The following NECAP1 variants were observed in gnomAD, a reference collection of about 807,000 sequenced individuals.
The protein encoded by NECAP1 is adaptin ear-binding coat-associated protein 1.
A neutral mutation model predicts 33.4 loss-of-function variants in NECAP1; 13 were observed. The observed-to-expected ratio is 0.39, with a 90% CI of 0.25 to 0.62. The LOEUF is 0.62. Ranked by LOEUF, NECAP1 falls within the 20% of genes least tolerant of loss-of-function variation. The pLI is 0.52. For synonymous variants in NECAP1, 109 were observed against 125.2 expected (o/e 0.87, Z 0.86); for missense variants, 272 against 347.4 (o/e 0.78, Z 1.73).
intron 4 of NECAP1, 69 bp downstream of exon 4, chr12:8,091,919 C>T: frequency 1.6e-6 from 2 of 1,283,750 alleles, no homozygotes; most frequent in Non-Finnish European, 2.2e-6. Flanking sequence ...CATGAATGGG[C>T]AGTATCTCTT....
chr12:8,089,856 T>C lies in NECAP1; in HGVS notation c.96-80T>C, dbSNP rs939117657. ...GAATAGGCAATCCAGGATAGGGAAA[T>C]AGAAATACAGTCAAAGATTGTGGGT... On this transcript the variant is annotated intron_variant, in intron 1 of 7. Transcript: ENST00000339754. The C allele has an allele frequency of 2.9e-6, 3 of 1,038,388 alleles. No homozygotes were observed. The African/African-American group carries it at 4.8e-5, about 17-fold the overall frequency. The allele number at this position is 1,038,388 out of a possible 1,614,324, so 64.3% of individuals were successfully genotyped here. A position where few individuals can be genotyped will look rare whatever the true frequency, so the allele number is the denominator to read the frequency against.
chr12:8,085,303 C>T (rs1006425000), intron 1 of NECAP1, among the ~76,000 whole-genome samples: 4 of 151,404 alleles, frequency 2.6e-5, no homozygotes, highest in Admixed American at 6.6e-5. Context: ...CAGGCGTGAG[C>T]CACCGCACCC....
intron 3 of NECAP1, 67 bp downstream of exon 3, chr12:8,090,366 T>C: frequency 7.6e-7 from 1 of 1,308,772 alleles, no homozygotes; most frequent in Non-Finnish European, 1.1e-6. Flanking sequence ...CCATGAAAAG[T>C]GTTTCCGATT....
chr12:8,083,729 G>GCCT (rs1947464448), intron 1 of NECAP1, among the ~76,000 whole-genome samples: 1 of 91,194 alleles, frequency 1.1e-5, no homozygotes, highest in Non-Finnish European at 2.1e-5. Flanking sequence ...CCCAGCCGTC[G>GCCT]TTTTTTTTTT....
At chr12:8,088,892 G>A (rs1947516330) in intron 1 of NECAP1, 1 of 152,124 alleles carries the variant, frequency 6.6e-6, no homozygotes, top group African/African-American at 2.4e-5. Context: ...CCAGACATCT[G>A]TATGGATAAC....
intron 1 of NECAP1, among the ~76,000 whole-genome samples, chr12:8,087,328 G>T (rs1947500646): frequency 6.6e-6 from 1 of 151,402 alleles, no homozygotes; most frequent in South Asian, 2.1e-4. Context: ...TAAAAGTATT[G>T]TCAGAGGACA....
chr12:8,093,032 C>G lies in NECAP1; in HGVS notation c.653C>G (p.Ser218Cys). The change falls in exon 6 of 8, where the codon TCT (serine) becomes TGT (cysteine). Residue 218 changes from serine to cysteine, a missense_variant. Ser to Cys is a moderately radical substitution (Grantham distance 112, BLOSUM62 -1). Transcript: ENST00000339754. ...GTCACCCCACCACCCATTCCGAAAT[C>G]TAACCATGGAGGCAGTGATGCAGGT... ...NHVTPPPIPK[S>C]NHGGSDADIL... The G allele has an allele frequency of 6.2e-7, 1 of 1,614,166 alleles. No individual in the cohort carries two copies. Among genetic ancestry groups the G allele is most frequent in the South Asian group, 1.1e-5 (1 of 91,090 alleles).
intron 3 of NECAP1, 196 bp downstream of exon 3, chr12:8,090,495 G>A: frequency 3.6e-6 from 2 of 557,146 alleles, no homozygotes; most frequent in South Asian, 2.3e-5. Flanking sequence ...TTCAAGATGT[G>A]GTAATTCATA....
intron 6 of NECAP1, 37 bp downstream of exon 6, chr12:8,093,092 T>G: frequency 6.3e-7 from 1 of 1,591,074 alleles, no homozygotes; most frequent in East Asian, 2.2e-5. Flanking sequence ...AAATCCAATC[T>G]TATGTTTTAA....
chr12:8,095,731 T>C (rs1191133562), intron 7 of NECAP1, 28 bp downstream of exon 7: 1 of 1,560,450 alleles, frequency 6.4e-7, no homozygotes, highest in Non-Finnish European at 8.8e-7. Context: ...ACTAGCATAC[T>C]CTCAATCAGG....
intron 1 of NECAP1, chr12:8,089,190 G>A (rs751744564): frequency 1.3e-5 from 2 of 152,112 alleles, no homozygotes; most frequent in East Asian, 3.8e-4. Context: ...TGATGCATCT[G>A]TCCTAATAAG....
chr12:8,083,717 C>T (rs1217391112), intron 1 of NECAP1, among the ~76,000 whole-genome samples: 2 of 147,580 alleles, frequency 1.4e-5, no homozygotes, highest in Non-Finnish European at 3.0e-5. Context: ...CGTGACACCA[C>T]GCCCAGCCGT....
intron 1 of NECAP1, among the ~76,000 whole-genome samples, chr12:8,083,738 T>G (rs1947464806): frequency 1.3e-5 from 2 of 148,594 alleles, no homozygotes; most frequent in Admixed American, 6.7e-5. Flanking sequence ...CGTTTTTTTT[T>G]TTTTTTTTTT....
intron 1 of NECAP1, among the ~76,000 whole-genome samples, chr12:8,088,462 C>T (rs1045732497): frequency 2.2e-4 from 33 of 152,136 alleles, no homozygotes; most frequent in Non-Finnish European, 4.3e-4. Context: ...CATATCTAAT[C>T]CATTAGAAAA....
chr12:8,084,129 ACCC>A, intron 1 of NECAP1, among the ~76,000 whole-genome samples: 1 of 152,072 alleles, frequency 6.6e-6, no homozygotes, highest in Non-Finnish European at 1.5e-5. Flanking sequence ...CTGAAAAGTT[ACCC>A]TCTCCTTATG....
chr12:8,092,560 A>G (rs934433389), intron 4 of NECAP1, 116 bp from the exon 5 acceptor site: 2 of 670,592 alleles, frequency 3.0e-6, no homozygotes, highest in Non-Finnish European at 4.9e-6. Context: ...ACTCTTTTTT[A>G]TCTCTCACTG....
intron 1 of NECAP1, among the ~76,000 whole-genome samples, chr12:8,087,681 C>T (rs1373582390): frequency 1.3e-5 from 2 of 151,924 alleles, no homozygotes; most frequent in East Asian, 3.9e-4. Context: ...GCCACGGTGC[C>T]TGGCTGTTCC....
chr12:8,090,974 C>G (rs1947538805), intron 3 of NECAP1: 1 of 152,492 alleles, frequency 6.6e-6, no homozygotes, highest in Admixed American at 6.5e-5. Flanking sequence ...TTTTGCAGGT[C>G]AGGTGGCCTC....
intron 1 of NECAP1, among the ~76,000 whole-genome samples, chr12:8,085,405 G>A (rs965242005): frequency 2.0e-5 from 3 of 152,120 alleles, no homozygotes; most frequent in Non-Finnish European, 2.9e-5. Context: ...ACTTACATCA[G>A]TTAACTGCAC....
Sources: allele counts gnomAD v4.1 joint callset (sites outside exome capture counted in the v4.1 genomes callset), GRCh38; gene constraint gnomAD v4.1.1; transcripts MANE v1.5; gene names NCBI Gene and HGNC (gene_info 2026-07-23, HGNC 2026-07-21).